Variants in FHL1 observed in about 807,000 individuals in gnomAD.
The protein encoded by FHL1 is four and a half LIM domains protein 1.
Under a neutral mutation model 20.3 loss-of-function variants are expected in FHL1, and 1 was observed. The observed-to-expected ratio is 0.05, with a 90% CI of 0.02 to 0.23. The LOEUF (loss-of-function observed/expected upper bound fraction) is 0.23. Ranked by LOEUF, FHL1 falls within the 10% of genes least tolerant of loss-of-function variation. The pLI is 1.00. For missense variants in FHL1, 177 were observed against 234.0 expected, an observed-to-expected ratio of 0.76 and a Z score of 1.59; for synonymous variants, 82 against 88.9, an observed-to-expected ratio of 0.92 and a Z score of 0.44.
intron 1 of FHL1, among the ~76,000 whole-genome samples, chrX:136,153,792 C>G (rs1362514715): frequency 1.8e-5 from 2 of 111,466 alleles, no homozygotes; most frequent in African/African-American, 6.5e-5. Context: ...TGGATTCAAG[C>G]CCATTGCAAA....
intron 1 of FHL1, among the ~76,000 whole-genome samples, chrX:136,161,165 A>G (rs1417530738): frequency 2.2e-4 from 25 of 111,429 alleles, no homozygotes; most frequent in Non-Finnish European, 5.7e-5. Flanking sequence ...AGGATTGGGG[A>G]GGTATAGTGG....
intron 1 of FHL1, chrX:136,148,074 G>C (rs1179377318): frequency 2.0e-5 from 2 of 100,411 alleles, no homozygotes; most frequent in African/African-American, 7.4e-5. Flanking sequence ...GGTGGGGCGA[G>C]GTGGGGACAC....
intron 1 of FHL1, among the ~76,000 whole-genome samples, chrX:136,201,555 C>G (rs2073709584): frequency 9.0e-6 from 1 of 111,565 alleles, no homozygotes; most frequent in Non-Finnish European, 1.9e-5. Context: ...GGGGACGTGG[C>G]TGAGCATCAG....
intron 2 of FHL1, among the ~76,000 whole-genome samples, chrX:136,177,013 T>TACACACACACACACACACAC (rs10527786): frequency 0.051 from 4,554 of 88,564 alleles, 130 homozygotes; most frequent in Admixed American, 0.072. Flanking sequence ...CATGTAGAAA[T>TACACACACACACACACACAC]ACACACACAC....
At position 136,210,743 on chromosome X, in the gene FHL1, G is replaced by A; in HGVS notation, c.*718G>A. ...CCTGAGAAAACGAGCCTGTTTCAGA[G>A]GAACATCGTCACAACGAATACTTCT... is the stretch of plus-strand genomic sequence containing the variant. On this transcript the variant is annotated 3_prime_UTR_variant, in exon 6 of 6. Transcript: ENST00000370683. The A allele has an allele frequency of 2.6e-6, 1 of 388,473 alleles. No individual in the cohort carries two copies. Among genetic ancestry groups the A allele is most frequent in the South Asian group, 2.6e-5 (1 of 38,919 alleles). The allele number at this position is 388,473 out of a possible 1,213,427, so 32.0% of individuals were successfully genotyped here.
intron 2 of FHL1, among the ~76,000 whole-genome samples, chrX:136,191,652 T>G (rs1338732439): frequency 3.6e-5 from 4 of 112,280 alleles, no homozygotes; most frequent in African/African-American, 9.7e-5. Flanking sequence ...TTATAGTTTT[T>G]TGGTAAATAA....
chrX:136,191,913 G>A (rs749327661), intron 2 of FHL1, among the ~76,000 whole-genome samples: 11 of 111,848 alleles, frequency 9.8e-5, no homozygotes, highest in African/African-American at 3.6e-4. Context: ...CATAAAAGGT[G>A]GGCTTGGTGA....
intron 1 of FHL1, chrX:136,148,805 C>T (rs2072183358): frequency 8.9e-6 from 1 of 112,334 alleles, no homozygotes; most frequent in South Asian, 3.7e-4. Flanking sequence ...AAGAAAAGGA[C>T]AAGGCTTATT....
rs766382402 is a variant in FHL1 at position 136,210,750 on chromosome X, C to A, written c.*725C>A. On this transcript the variant is annotated 3_prime_UTR_variant, in exon 6 of 6. Transcript: ENST00000370683. Reference sequence around the variant, plus strand: ...AAACGAGCCTGTTTCAGAGGAACATCGTCACAACGAATACTTCTGGAAGCT... The same window carrying A: ...AAACGAGCCTGTTTCAGAGGAACATAGTCACAACGAATACTTCTGGAAGCT... 5.2e-6 allele frequency: 2 copies of A among 386,791 alleles called. No homozygotes were observed. Among genetic ancestry groups the A allele is most frequent in the African/African-American group, 4.9e-5 (2 of 40,689 alleles). The allele number at this position is 386,791 out of a possible 1,213,427, so 31.9% of individuals were successfully genotyped here. A position where few individuals can be genotyped will look rare whatever the true frequency, so the allele number is the denominator to read the frequency against.
chrX:136,210,539 G>A lies in FHL1; in HGVS notation c.*514G>A. 2 of 390,621 alleles carry A rather than the reference G, an allele frequency of 5.1e-6. No homozygotes were observed. The highest frequency in any genetic ancestry group is 9.6e-6 in the Non-Finnish European group (2 of 207,637). The allele number at this position is 390,621 out of a possible 1,213,427, so 32.2% of individuals were successfully genotyped here. ...TCATCAGAACTCTGCCCTTCCTTCTGTTCTTTTGTGCTTTCAAATAACTAA... is the reference window on the plus strand; with the variant it reads ...TCATCAGAACTCTGCCCTTCCTTCTATTCTTTTGTGCTTTCAAATAACTAA... On this transcript the variant is annotated 3_prime_UTR_variant, in exon 6 of 6. Coordinates refer to ENST00000370683, the MANE Select transcript of FHL1 (RefSeq NM_001159699.2).
chrX:136,149,765 C>T (rs1389642243), intron 1 of FHL1, among the ~76,000 whole-genome samples: 2 of 111,060 alleles, frequency 1.8e-5, no homozygotes, highest in Non-Finnish European at 3.8e-5. Flanking sequence ...AATGAATCGA[C>T]CGCTAAAACA....
At chrX:136,186,865 A>AT (rs1298297660) in intron 2 of FHL1, among the ~76,000 whole-genome samples, 186 of 10,138 alleles carry the variant, frequency 0.018, 1 homozygote, top group Middle Eastern at 0.17. Flanking sequence ...AAAAAAAAAA[A>AT]ATATATATAT....
At chrX:136,172,524 A>G (rs756083215) in intron 2 of FHL1, among the ~76,000 whole-genome samples, 17 of 112,173 alleles carry the variant, frequency 1.5e-4, no homozygotes, top group Non-Finnish European at 3.2e-4. Context: ...CTTTGAGCCT[A>G]TGATTTATGC....
At chrX:136,167,218 T>C (rs1483504617), upstream of FHL1, 1 of 111,701 alleles carries the variant, frequency 9.0e-6, no homozygotes, top group Non-Finnish European at 1.9e-5. Flanking sequence ...TTTTGTTTTG[T>C]TTTTTGAGAT....
chrX:136,170,954 G>A (rs1456383229), intron 2 of FHL1, among the ~76,000 whole-genome samples: 1 of 111,851 alleles, frequency 8.9e-6, no homozygotes, highest in Admixed American at 9.5e-5. Flanking sequence ...ATGTCTACTT[G>A]CTACAGAATT....
At chrX:136,204,018 A>G (rs768862734) in intron 1 of FHL1, among the ~76,000 whole-genome samples, 15 of 112,617 alleles carry the variant, frequency 1.3e-4, no homozygotes, top group African/African-American at 4.8e-4. Context: ...AAAGTTGTAT[A>G]CTAAATAGAG....
intron 1 of FHL1, among the ~76,000 whole-genome samples, chrX:136,161,445 TAAATGAG>T (rs2072563692): frequency 8.9e-6 from 1 of 112,296 alleles, no homozygotes; most frequent in African/African-American, 3.2e-5. Flanking sequence ...TGTTGGGTAT[TAAATGAG>T]ACTTAGGGTA....
At chrX:136,166,681 A>G (rs1469182923), upstream of FHL1, among the ~76,000 whole-genome samples, 1 of 112,367 alleles carries the variant, frequency 8.9e-6, no homozygotes, top group African/African-American at 3.2e-5. Context: ...AAGGGTGAGT[A>G]AGATGAAATA....
rs918798655 is a variant in FHL1 at position 136,210,647 on chromosome X, T to C, written c.*622T>C. 5.1e-6 allele frequency: 2 copies of C among 388,541 alleles called. No individual in the cohort carries two copies. Among genetic ancestry groups the C allele is most frequent in the African/African-American group, 4.9e-5 (2 of 40,759 alleles). 32.0% of individuals were successfully genotyped at this position (388,541 alleles called of 1,213,427 possible). On this transcript the variant is annotated 3_prime_UTR_variant, in exon 6 of 6. Transcript: ENST00000370683. ...CCCGTACTAACGTTTGGTTTCCCCG[T>C]GTGGCATGTTTTCTGAGCGTTCCTA... is the stretch of plus-strand genomic sequence containing the variant.
Sources: allele counts gnomAD v4.1 joint callset (sites outside exome capture counted in the v4.1 genomes callset), GRCh38; gene constraint gnomAD v4.1.1; transcripts MANE v1.5; gene names NCBI Gene and HGNC (gene_info 2026-07-23, HGNC 2026-07-21).